ATP6V1C1: variants seen among roughly 807,000 people sequenced by gnomAD.
ATP6V1C1 encodes V-type proton ATPase subunit C 1.
In ATP6V1C1, 45 loss-of-function variants were observed where a neutral mutation model predicts 53.9. The observed-to-expected ratio is 0.83, with a 90% CI of 0.66 to 1.07. The LOEUF (loss-of-function observed/expected upper bound fraction) is 1.07. Among genes scored for constraint, ATP6V1C1 ranks in the 50% least tolerant of loss-of-function variants. The probability of loss-of-function intolerance (pLI) is 0.00; values close to 1 mark genes in which losing one functional copy is unlikely to be tolerated. For synonymous variants in ATP6V1C1, 153 were observed against 155.2 expected (o/e 0.99, Z 0.11); for missense variants, 315 against 440.3 (o/e 0.72, Z 2.55).
rs1382109961 is a variant in ATP6V1C1 at position 103,070,263 on chromosome 8, C to T, written c.*1516C>T. 1.3e-5 allele frequency: 2 copies of T among 152,200 alleles called. No individual in the cohort carries two copies. The highest frequency in any genetic ancestry group is 4.1e-4 in the South Asian group (2 of 4,826). 9.4% of individuals were successfully genotyped at this position (152,200 alleles called of 1,614,324 possible). A position where few individuals can be genotyped will look rare whatever the true frequency, so the allele number is the denominator to read the frequency against. ...GTTTTTAGTTTTTGCTCTTAACAAA[C>T]ACTGCTGCAGTCAGCATCCTTGCAC... On this transcript the variant is annotated 3_prime_UTR_variant, in exon 13 of 13. Transcript: ENST00000518738.
chr8:103,060,291 A>G (rs1041493212), intron 8 of ATP6V1C1, among the ~76,000 whole-genome samples: 1 of 152,118 alleles, frequency 6.6e-6, no homozygotes, highest in Non-Finnish European at 1.5e-5. Context: ...ATTTCTGGCA[A>G]TTCCTCAGAT....
At chr8:103,052,896 G>T in intron 6 of ATP6V1C1, 74 bp downstream of exon 6, 1 of 914,244 alleles carries the variant, frequency 1.1e-6, no homozygotes, top group South Asian at 2.0e-5. Flanking sequence ...AGATATTGTT[G>T]GGATTTAGTT....
chr8:103,059,613 G>A (rs541950133), intron 8 of ATP6V1C1, among the ~76,000 whole-genome samples: 1 of 136,774 alleles, frequency 7.3e-6, no homozygotes, highest in South Asian at 2.3e-4. Flanking sequence ...TTGATGTTTT[G>A]TAGGTCAGAA....
At chr8:103,027,873 C>T (rs1051157770) in intron 1 of ATP6V1C1, among the ~76,000 whole-genome samples, 5 of 152,134 alleles carry the variant, frequency 3.3e-5, no homozygotes, top group East Asian at 1.9e-4. Flanking sequence ...CCTGCCTGCT[C>T]GTAAGACCTG....
chr8:103,030,890 T>C (rs779073482), intron 1 of ATP6V1C1, among the ~76,000 whole-genome samples: 20 of 152,162 alleles, frequency 1.3e-4, no homozygotes, highest in African/African-American at 4.6e-4. Flanking sequence ...AGAGAACTTA[T>C]TGAATACCTG....
intron 1 of ATP6V1C1, among the ~76,000 whole-genome samples, chr8:103,036,031 C>G (rs1001633182): frequency 2.0e-5 from 3 of 152,192 alleles, no homozygotes; most frequent in African/African-American, 7.2e-5. Context: ...ACTGGACCAA[C>G]AGGGTGCCCT....
chr8:103,066,518 A>G, intron 12 of ATP6V1C1, 71 bp downstream of exon 12: 2 of 1,437,562 alleles, frequency 1.4e-6, no homozygotes, highest in Non-Finnish European at 1.8e-6. Context: ...GAAAGAAGAT[A>G]GACAGAAAAG....
chr8:103,054,472 C>T (rs1167487656), intron 7 of ATP6V1C1, among the ~76,000 whole-genome samples: 1 of 152,056 alleles, frequency 6.6e-6, no homozygotes, highest in African/African-American at 2.4e-5. Context: ...AACTACTCCA[C>T]TGTGGCAACT....
At chr8:103,064,602 G>A in intron 10 of ATP6V1C1, 112 bp from the exon 11 acceptor site, 2 of 751,496 alleles carry the variant, frequency 2.7e-6, no homozygotes, top group Non-Finnish European at 4.2e-6. Flanking sequence ...AGTGAATTAT[G>A]CGACTTAATT....
chr8:103,067,398 A>G (rs1408111480), intron 12 of ATP6V1C1, among the ~76,000 whole-genome samples: 4 of 97,910 alleles, frequency 4.1e-5, no homozygotes, highest in African/African-American at 1.5e-4. Context: ...CTCCGTCCCA[A>G]AAAAAAAAAA....
In ATP6V1C1 at chr8:103,064,774, G is replaced by T. The variant is rs750239629; in HGVS notation, c.889G>T (p.Val297Leu). 6.2e-7 allele frequency: 1 copy of T among 1,613,318 alleles called. No homozygotes were observed. The highest frequency in any genetic ancestry group is 1.3e-5 in the African/African-American group (1 of 74,884). The change falls in exon 11 of 13, where the codon GTG becomes TTG. Residue 297 changes from valine to leucine, a missense_variant. Coordinates refer to ENST00000518738, the MANE Select transcript of ATP6V1C1 (RefSeq NM_001695.5). The part of the protein sequence containing the change: ...FSEAFIAWIH[V>L]KALRVFVESV... ...TGAAGCATTTATTGCATGGATTCAC[G>T]TGAAAGCATTACGGGTTTTCGTTGA... is the stretch of plus-strand genomic sequence containing the variant.
intron 3 of ATP6V1C1, among the ~76,000 whole-genome samples, chr8:103,048,397 G>T (rs116044496): frequency 6.6e-6 from 1 of 152,186 alleles, no homozygotes; most frequent in Non-Finnish European, 1.5e-5. Flanking sequence ...AATAATGTAG[G>T]ACTTAGTTTT....
intron 1 of ATP6V1C1, among the ~76,000 whole-genome samples, chr8:103,029,730 TAA>T (rs10719277): frequency 6.6e-6 from 1 of 151,474 alleles, no homozygotes; most frequent in Non-Finnish European, 1.5e-5. Context: ...TTATTTTATT[TAA>T]AAAAAATTTT....
chr8:103,033,690 A>G (rs1303943862), intron 1 of ATP6V1C1, among the ~76,000 whole-genome samples: 1 of 152,216 alleles, frequency 6.6e-6, no homozygotes, highest in Admixed American at 6.5e-5. Context: ...ATATATAATG[A>G]GACACATACT....
chr8:103,031,388 G>C (rs762612684), intron 1 of ATP6V1C1, among the ~76,000 whole-genome samples: 19 of 152,154 alleles, frequency 1.2e-4, no homozygotes, highest in Non-Finnish European at 2.4e-4. Context: ...TCTGTAGGCT[G>C]TGCAAGCATG....
chr8:103,070,677 C>T lies in ATP6V1C1; in HGVS notation c.*1930C>T, dbSNP rs571997869. The T allele has an allele frequency of 5.9e-5, 9 of 152,354 alleles. No homozygotes were observed. Among genetic ancestry groups the T allele is most frequent in the South Asian group, 2.1e-4 (1 of 4,830 alleles). 9.4% of individuals were successfully genotyped at this position (152,354 alleles called of 1,614,324 possible). ...GTTTTATTTAGACTTTACTGTTGTT[C>T]TCATGAGAGTAGGTACAGACTGCAT... is the stretch of plus-strand genomic sequence containing the variant. On this transcript the variant is annotated 3_prime_UTR_variant, in exon 13 of 13. Transcript: ENST00000518738.
Position 103,064,757 on chromosome 8 carries a change from T to C in ATP6V1C1, c.872T>C (p.Phe291Ser), listed in dbSNP as rs1273534447. Residue 291 changes from phenylalanine to serine, a missense_variant, in exon 11 of 13, where the codon TTT becomes TCT. Phe to Ser is a radical substitution (Grantham distance 155). Transcript: ENST00000518738. ...RWLKVNFSEA[F>S]IAWIHVKALR... Reference sequence around the variant, plus strand: ...CTGAAAGTGAATTTTAGTGAAGCATTTATTGCATGGATTCACGTGAAAGCA... The same window carrying C: ...CTGAAAGTGAATTTTAGTGAAGCATCTATTGCATGGATTCACGTGAAAGCA... 8 of 1,613,600 alleles carry C rather than the reference T, an allele frequency of 5.0e-6. No homozygotes were observed. The highest frequency in any genetic ancestry group is 6.8e-6 in the Non-Finnish European group (8 of 1,179,844).
At chr8:103,058,502 C>G (rs1162976952) in intron 8 of ATP6V1C1, among the ~76,000 whole-genome samples, 1 of 152,142 alleles carries the variant, frequency 6.6e-6, no homozygotes, top group African/African-American at 2.4e-5. Context: ...TGACCTGATG[C>G]TGAATTTTTG....
intron 12 of ATP6V1C1, among the ~76,000 whole-genome samples, chr8:103,068,202 T>C (rs994758720): frequency 3.3e-5 from 5 of 152,232 alleles, no homozygotes; most frequent in Admixed American, 6.5e-5. Context: ...CCCAGACTGG[T>C]CTTGAACTCC....
Sources: gnomAD v4.1 joint callset for allele counts (sites outside exome capture counted in the v4.1 genomes callset) on GRCh38, gnomAD v4.1.1 for gene constraint, MANE v1.5 for transcripts, NCBI Gene and HGNC (gene_info 2026-07-23, HGNC 2026-07-21) for gene names.